The following RAD23A variants were observed in gnomAD, a reference collection of about 807,000 sequenced individuals.
RAD23A encodes lysine-specific demethylase RAD23A.
A neutral mutation model predicts 44.8 loss-of-function variants in RAD23A; 16 were observed. The observed-to-expected ratio is 0.36, with a 90% CI of 0.24 to 0.54. The LOEUF (loss-of-function observed/expected upper bound fraction) is 0.54, where lower values mean the gene tolerates loss of function less well. Among genes scored for constraint, RAD23A ranks in the 20% least tolerant of loss-of-function variants. The pLI is 0.89. For synonymous variants in RAD23A, 217 were observed against 202.9 expected (o/e 1.07, Z -0.59); for missense variants, 380 against 483.3 (o/e 0.79, Z 2.00).
chr19:12,949,612 T>C, intron 7 of RAD23A: 1 of 617,926 alleles, frequency 1.6e-6, no homozygotes, highest in East Asian at 2.8e-5. Context: ...GTGGGTGCTG[T>C]CAACATCACC....
chr19:12,946,046 G>T, intron 1 of RAD23A, 26 bp downstream of exon 1: 3 of 1,576,008 alleles, frequency 1.9e-6, no homozygotes, highest in East Asian at 4.7e-5. Context: ...GAGCCCGGGG[G>T]CGGGAGCGAC....
At chr19:12,951,146 G>T (rs1423126587) in intron 7 of RAD23A, among the ~76,000 whole-genome samples, 1 of 152,088 alleles carries the variant, frequency 6.6e-6, no homozygotes, top group African/African-American at 2.4e-5. Flanking sequence ...TTTGGTTTGG[G>T]GGCTGGTAGG....
At chr19:12,952,212 G>T (rs1324066623) in intron 7 of RAD23A, among the ~76,000 whole-genome samples, 1 of 151,174 alleles carries the variant, frequency 6.6e-6, no homozygotes, top group Non-Finnish European at 1.5e-5. Flanking sequence ...GCCTATTTAT[G>T]TATTTATTTA....
intron 7 of RAD23A, among the ~76,000 whole-genome samples, chr19:12,951,986 A>G (rs1327216211): frequency 6.6e-6 from 1 of 152,058 alleles, no homozygotes; most frequent in Non-Finnish European, 1.5e-5. Flanking sequence ...GCAGTGGCAC[A>G]GTCTCGGCTC....
At chr19:12,952,379 A>G in intron 7 of RAD23A, 1 of 256,270 alleles carries the variant, frequency 3.9e-6, no homozygotes, top group East Asian at 1.0e-4. Context: ...CTTAGTAGAG[A>G]TGGGGGTTCA....
intron 1 of RAD23A, 33 bp downstream of exon 1, chr19:12,946,053 C>CCGGGGGGGGG: frequency 1.5e-5 from 6 of 404,408 alleles, no homozygotes; most frequent in South Asian, 4.2e-5. Context: ...GGGGCGGGAG[C>CCGGGGGGGGG]GACGGGTTTC....
chr19:12,949,140 G>A lies in RAD23A; in HGVS notation c.660G>A (p.Glu220=). The change falls in exon 6 of 9, where the codon GAG becomes GAA. Residue 220 remains glutamate, a synonymous_variant. Coordinates refer to ENST00000586534, the MANE Select transcript of RAD23A (RefSeq NM_005053.4). The part of the protein sequence containing the change: ...HGSVQESQVS[E]QPATEAAGEN... ...CTGTCCAGGAGAGCCAGGTATCGGA[G>A]CAGCCGGCCACGGAAGCAGGTGGGT... 1.2e-6 allele frequency: 2 copies of A among 1,614,000 alleles called. No individual in the cohort carries two copies. Among genetic ancestry groups the A allele is most frequent in the East Asian group, 2.2e-5 (1 of 44,878 alleles).
At chr19:12,950,297 A>G (rs1355580768) in intron 7 of RAD23A, among the ~76,000 whole-genome samples, 2 of 151,938 alleles carry the variant, frequency 1.3e-5, no homozygotes, top group Non-Finnish European at 2.9e-5. Context: ...CTTCCCACTC[A>G]GCCCCTCCCT....
chr19:12,953,409 A>C lies in RAD23A; in HGVS notation c.*360A>C. On this transcript the variant is annotated 3_prime_UTR_variant, in exon 9 of 9. Coordinates refer to ENST00000586534, the MANE Select transcript of RAD23A (RefSeq NM_005053.4). ...GAAAAACCCCTGAGGACCCCCCCCCATCCTCTTCTAGGATGAGGGGAAGCT... is the reference window on the plus strand; with the variant it reads ...GAAAAACCCCTGAGGACCCCCCCCCCTCCTCTTCTAGGATGAGGGGAAGCT... The C allele has an allele frequency of 3.7e-5, 6 of 161,052 alleles. No individual in the cohort carries two copies. In the East Asian group the frequency reaches 5.4e-4, roughly 14 times the overall value. 10.0% of individuals were successfully genotyped at this position (161,052 alleles called of 1,614,324 possible).
At chr19:12,946,445 TTAATGA>T (rs1231052538) in intron 1 of RAD23A, among the ~76,000 whole-genome samples, 2 of 152,194 alleles carry the variant, frequency 1.3e-5, no homozygotes, top group Admixed American at 6.5e-5. Context: ...AACAACGATG[TTAATGA>T]TAATAAACGG....
chr19:12,950,187 A>G (rs1971770933), intron 7 of RAD23A, among the ~76,000 whole-genome samples: 1 of 150,164 alleles, frequency 6.7e-6, no homozygotes. Context: ...CTTAGAACAG[A>G]CCTCCCCAGT....
chr19:12,952,078 C>T (rs2146043574), intron 7 of RAD23A, among the ~76,000 whole-genome samples: 1 of 152,326 alleles, frequency 6.6e-6, no homozygotes, highest in East Asian at 1.9e-4. Context: ...CACGTGCCAT[C>T]ACACCCAGCT....
Position 12,952,899 on chromosome 19 carries a change from A to G in RAD23A, c.979-37A>G, listed in dbSNP as rs764294865. On this transcript the variant is annotated intron_variant, in intron 8 of 8. Coordinates refer to ENST00000586534, the MANE Select transcript of RAD23A (RefSeq NM_005053.4). The stretch of plus-strand genomic sequence containing the variant: ...GTGACTGCAGGTGGGCAGGACCCCT[A>G]CCCTCTCCTGCTCACACTTAACCTA... 5.6e-6 allele frequency: 9 copies of G among 1,610,624 alleles called. No individual in the cohort carries two copies. The East Asian group carries it at 1.8e-4, about 32-fold the overall frequency.
In RAD23A at chr19:12,946,172, C is replaced by G. The variant is rs1021265674; in HGVS notation, c.72+152C>G. ...GACCTGCCCGACTTTCCTGGACCCC[C>G]CGATGGTCTTTGGCCCAGCCCCCAG... On this transcript the variant is annotated intron_variant, in intron 1 of 8. Transcript: ENST00000586534. The G allele has an allele frequency of 1.3e-5, 10 of 754,566 alleles. No homozygotes were observed. In the East Asian group the frequency reaches 2.5e-4, roughly 19 times the overall value. The allele number at this position is 754,566 out of a possible 1,614,324, so 46.7% of individuals were successfully genotyped here. A position where few individuals can be genotyped will look rare whatever the true frequency, so the allele number is the denominator to read the frequency against.
rs1281885454 is a variant in RAD23A at position 12,947,830 on chromosome 19, C to G, written c.73-18C>G. ...GAATCTTGGGGTCTCCAGTGACTGTCTGTACCACTCCCTCTAGGTGAAGGT... is the reference window on the plus strand; with the variant it reads ...GAATCTTGGGGTCTCCAGTGACTGTGTGTACCACTCCCTCTAGGTGAAGGT... On this transcript the variant is annotated intron_variant, in intron 1 of 8. Transcript: ENST00000586534. 2 of 1,612,202 alleles carry G rather than the reference C, an allele frequency of 1.2e-6. No individual in the cohort carries two copies. The highest frequency in any genetic ancestry group is 2.2e-5 in the South Asian group (2 of 91,060).
At chr19:12,950,408 TTTC>T (rs1354528504) in intron 7 of RAD23A, among the ~76,000 whole-genome samples, 4 of 151,982 alleles carry the variant, frequency 2.6e-5, no homozygotes, top group African/African-American at 9.7e-5. Context: ...AGCACTTTCT[TTTC>T]TTTTTTTTTT....
intron 7 of RAD23A, among the ~76,000 whole-genome samples, chr19:12,951,760 C>G (rs1971818596): frequency 6.6e-6 from 1 of 152,160 alleles, no homozygotes; most frequent in South Asian, 2.1e-4. Flanking sequence ...TCACTCTGTT[C>G]CTGCTTCTGT....
Position 12,949,160 on chromosome 19 carries a change from G to C in RAD23A, c.679+1G>C, listed in dbSNP as rs112059737. The C allele has an allele frequency of 6.2e-7, 1 of 1,614,146 alleles. No homozygotes were observed. Among genetic ancestry groups the C allele is most frequent in the Non-Finnish European group, 8.5e-7 (1 of 1,179,986 alleles). On this transcript the variant is annotated splice_donor_variant, in intron 6 of 8. Coordinates refer to ENST00000586534, the MANE Select transcript of RAD23A (RefSeq NM_005053.4). LOFTEE classifies it high-confidence loss of function. The stretch of plus-strand genomic sequence containing the variant: ...TCGGAGCAGCCGGCCACGGAAGCAG[G>C]TGGGTGTGCACATGCCGCATCTGCC...
intron 7 of RAD23A, 41 bp from the exon 8 acceptor site, chr19:12,952,648 A>C (rs762523575): frequency 1.3e-6 from 2 of 1,563,958 alleles, no homozygotes; most frequent in Admixed American, 3.4e-5. Context: ...GGAGGGGACC[A>C]GGGCTGTGAA....
Sources: gnomAD v4.1 joint callset for allele counts (sites outside exome capture counted in the v4.1 genomes callset) on GRCh38, gnomAD v4.1.1 for gene constraint, MANE v1.5 for transcripts, NCBI Gene and HGNC (gene_info 2026-07-23, HGNC 2026-07-21) for gene names.